The following SCARA3 variants were observed in gnomAD, a reference collection of about 807,000 sequenced individuals.
The protein encoded by SCARA3 is cellular stress response gene protein.
In SCARA3, 39 loss-of-function variants were observed where a neutral mutation model predicts 47.0. The observed-to-expected ratio is 0.83, with a 90% confidence interval of 0.64 to 1.08. The LOEUF (loss-of-function observed/expected upper bound fraction) is 1.08. SCARA3 is among the 50% of genes least tolerant of loss of function. The pLI is 0.00. For missense variants in SCARA3, 724 were observed against 792.3 expected, an observed-to-expected ratio of 0.91 and a Z score of 1.04; for synonymous variants, 356 against 334.1, an observed-to-expected ratio of 1.07 and a Z score of -0.71.
intron 1 of SCARA3, among the ~76,000 whole-genome samples, chr8:27,639,603 T>C (rs1801339971): frequency 6.6e-6 from 1 of 152,198 alleles, no homozygotes; most frequent in African/African-American, 2.4e-5. Context: ...CACGCGGTTG[T>C]GTCTGGTTGA....
chr8:27,709,901 C>T, the SCARA3 span, among the ~76,000 whole-genome samples: 29 of 152,170 alleles, frequency 1.9e-4, no homozygotes, highest in Non-Finnish European at 4.4e-5. Context: ...TAGGACCCAG[C>T]TGTCAGGATC....
Position 27,634,086 on chromosome 8 carries a change from G to T in SCARA3, c.-115G>T. 1.0e-6 allele frequency: 1 copy of T among 991,982 alleles called. No individual in the cohort carries two copies. Among genetic ancestry groups the T allele is most frequent in the Non-Finnish European group, 1.3e-6 (1 of 745,166 alleles). The allele number at this position is 991,982 out of a possible 1,614,324, so 61.4% of individuals were successfully genotyped here. A position where few individuals can be genotyped will look rare whatever the true frequency, so the allele number is the denominator to read the frequency against. On this transcript the variant is annotated 5_prime_UTR_variant, in exon 1 of 6. Coordinates refer to ENST00000301904, the MANE Select transcript of SCARA3 (RefSeq NM_016240.3). ...GAGTCCCGGCCGGAGCCCCACGGCC[G>T]CGGGCGGCGCCTAGGACGGCGATCC...
the SCARA3 span, among the ~76,000 whole-genome samples, chr8:27,711,997 G>A: frequency 2.0e-5 from 3 of 152,236 alleles, no homozygotes; most frequent in African/African-American, 7.2e-5. Context: ...ATAATGACGG[G>A]TATCCACCAT....
the SCARA3 span, among the ~76,000 whole-genome samples, chr8:27,728,799 G>A: frequency 6.6e-6 from 1 of 152,238 alleles, no homozygotes; most frequent in Admixed American, 6.5e-5. Flanking sequence ...CGAGGTGGGA[G>A]AATTACTTGA....
chr8:27,679,201 A>ATACTTACT (rs57559111), downstream of SCARA3, among the ~76,000 whole-genome samples: 86,954 of 150,836 alleles, frequency 0.58, 26,453 homozygotes, highest in Non-Finnish European at 0.68. Context: ...ATACCACAAT[A>ATACTTACT]TACTTACTTA....
At chr8:27,679,693 T>C (rs1214093481), downstream of SCARA3, 3 of 152,174 alleles carry the variant, frequency 2.0e-5, no homozygotes, top group Non-Finnish European at 2.9e-5. Context: ...CATCAGATAT[T>C]AACCAAAATA....
chr8:27,693,310 A>C, the SCARA3 span, among the ~76,000 whole-genome samples: 1 of 152,196 alleles, frequency 6.6e-6, no homozygotes, highest in African/African-American at 2.4e-5. Flanking sequence ...CATTGGGCAC[A>C]TGTTCTTAGG....
chr8:27,731,372 A>G, the SCARA3 span, among the ~76,000 whole-genome samples: 1 of 151,870 alleles, frequency 6.6e-6, no homozygotes, highest in African/African-American at 2.4e-5. Flanking sequence ...TGTTGGGATT[A>G]TAGGATTGAG....
intron 5 of SCARA3, among the ~76,000 whole-genome samples, chr8:27,669,308 G>A (rs1162504519): frequency 6.6e-6 from 1 of 152,244 alleles, no homozygotes; most frequent in African/African-American, 2.4e-5. Flanking sequence ...CAGCTTCGTG[G>A]GGCGTCTCCG....
chr8:27,720,778 C>CTCTATTCATCCA, the SCARA3 span, among the ~76,000 whole-genome samples: 2 of 151,462 alleles, frequency 1.3e-5, no homozygotes, highest in African/African-American at 2.4e-5. Flanking sequence ...CCACCCACCC[C>CTCTATTCATCCA]TCTATTCATC....
At chr8:27,692,455 C>T in the SCARA3 span, among the ~76,000 whole-genome samples, 1 of 151,226 alleles carries the variant, frequency 6.6e-6, no homozygotes, top group African/African-American at 2.4e-5. Context: ...ATAGAACAGA[C>T]TATTTGTAGC....
chr8:27,666,672 C>T lies in SCARA3; in HGVS notation c.1370-4228C>T, dbSNP rs926774708. Among the ~76,000 whole-genome samples, 7 of 152,336 alleles carry T rather than the reference C, an allele frequency of 4.6e-5. 1 individual carries two copies. Among genetic ancestry groups the T allele is most frequent in the African/African-American group, 1.7e-4 (7 of 41,588 alleles). ...CCAGGCCAGTCCCTCCAGAGGCACC[C>T]CTTTGTTTTATTTTCTTCTGTCCTT... On this transcript the variant is annotated intron_variant, in intron 5 of 5. Coordinates refer to ENST00000301904, the MANE Select transcript of SCARA3 (RefSeq NM_016240.3).
chr8:27,636,569 C>G (rs1220394276), intron 1 of SCARA3, among the ~76,000 whole-genome samples: 2 of 152,216 alleles, frequency 1.3e-5, no homozygotes, highest in African/African-American at 2.4e-5. Context: ...TTGCAGGGTT[C>G]CAGGCTCTCC....
rs1801717319 is a variant in SCARA3, at chr8:27,655,174, T to A, written c.227-1608T>A. Reference sequence around the variant, plus strand: ...TAGAATTTTGGTGCTGATGAGAGCCTTAGAGTCATCGAGCTCCACATTTTC... The same window carrying A: ...TAGAATTTTGGTGCTGATGAGAGCCATAGAGTCATCGAGCTCCACATTTTC... On this transcript the variant is annotated intron_variant, in intron 3 of 5. Transcript: ENST00000301904. 2.0e-5 allele frequency among the ~76,000 whole-genome samples: 3 copies of A among 152,274 alleles called. No homozygotes were observed. In the South Asian group the frequency reaches 6.2e-4, roughly 32 times the overall value.
chr8:27,683,445 T>C, the SCARA3 span, among the ~76,000 whole-genome samples: 1 of 152,134 alleles, frequency 6.6e-6, no homozygotes, highest in Non-Finnish European at 1.5e-5. Flanking sequence ...AAACTATACA[T>C]TATAGAATCA....
chr8:27,673,203 A>T (rs2128924619), downstream of SCARA3, among the ~76,000 whole-genome samples: 1 of 152,324 alleles, frequency 6.6e-6, no homozygotes, highest in South Asian at 2.1e-4. Flanking sequence ...CGTCTGAGGG[A>T]ATTACTCAGA....
chr8:27,678,727 A>C (rs1802314487), downstream of SCARA3, among the ~76,000 whole-genome samples: 2 of 152,236 alleles, frequency 1.3e-5, no homozygotes, highest in African/African-American at 2.4e-5. Flanking sequence ...AAACTGCAAG[A>C]AAATAAAGCC....
chr8:27,650,170 T>C (rs541000265), intron 2 of SCARA3, among the ~76,000 whole-genome samples: 33 of 152,254 alleles, frequency 2.2e-4, no homozygotes, highest in Admixed American at 1.4e-3. Flanking sequence ...TTTTTTTTAT[T>C]TTTTGTAGAT....
intron 1 of SCARA3, among the ~76,000 whole-genome samples, chr8:27,646,720 C>T (rs1468363859): frequency 6.6e-6 from 1 of 152,108 alleles, no homozygotes; most frequent in African/African-American, 2.4e-5. Flanking sequence ...AGGTTTTGGT[C>T]AGACAGAAAC....
Sources: allele counts gnomAD v4.1 joint callset (sites outside exome capture counted in the v4.1 genomes callset), GRCh38; gene constraint gnomAD v4.1.1; transcripts MANE v1.5; gene names NCBI Gene and HGNC (gene_info 2026-07-23, HGNC 2026-07-21).